The following MBD5 variants were observed in gnomAD, a reference collection of about 807,000 sequenced individuals.
The protein encoded by MBD5 is methyl-CpG binding domain protein 5, also known as methyl-CpG-binding domain protein 5.
In MBD5, 13 loss-of-function variants were observed where a neutral mutation model predicts 117.3. The ratio of observed to expected loss-of-function variants is 0.11; its 90% CI spans 0.07 to 0.18. The LOEUF (loss-of-function observed/expected upper bound fraction) is 0.18, where lower values mean the gene tolerates loss of function less well. MBD5 is among the 10% of genes least tolerant of loss of function. The pLI is 1.00. For synonymous variants in MBD5, 727 were observed against 766.4 expected (o/e 0.95, Z 0.85); for missense variants, 1,879 against 2,093.8 (o/e 0.90, Z 2.00).
intron 1 of MBD5, among the ~76,000 whole-genome samples, chr2:148,061,502 T>C (rs2105828118): frequency 6.6e-6 from 1 of 152,200 alleles, no homozygotes; most frequent in East Asian, 1.9e-4. Flanking sequence ...TACCATATCA[T>C]AAATATGTTT....
intron 4 of MBD5, among the ~76,000 whole-genome samples, chr2:148,343,933 TAGTTTG>T (rs1197697439): frequency 3.9e-5 from 6 of 152,122 alleles, no homozygotes; most frequent in African/African-American, 1.2e-4. Context: ...ACCATTCTTA[TAGTTTG>T]AGTTCTTACA....
In MBD5 at chr2:148,489,571, A is replaced by G; in HGVS notation, c.3939A>G (p.Pro1313=). The change falls in exon 11 of 14, where the codon CCA becomes CCG. Residue 1313 remains proline (P), a synonymous_variant. Transcript: ENST00000642680. ...QVKDGLVVGG[P]GDASVDAIYK... ...AGGATGGCCTCGTTGTGGGTGGCCC[A>G]GGTGATGCTTCCGTAGATGCCATTT... is the stretch of plus-strand genomic sequence containing the variant. 2 of 1,614,196 alleles carry G rather than the reference A, an allele frequency of 1.2e-6. No individual in the cohort carries two copies. Among genetic ancestry groups the G allele is most frequent in the Non-Finnish European group, 1.7e-6 (2 of 1,180,046 alleles).
intron 4 of MBD5, among the ~76,000 whole-genome samples, chr2:148,437,847 C>T (rs991758921): frequency 1.3e-5 from 2 of 152,116 alleles, no homozygotes; most frequent in Non-Finnish European, 2.9e-5. Context: ...AATACCATGA[C>T]AGACAACCTA....
intron 3 of MBD5, among the ~76,000 whole-genome samples, chr2:148,326,445 C>T (rs1320828347): frequency 6.6e-6 from 1 of 152,090 alleles, no homozygotes; most frequent in East Asian, 1.9e-4. Flanking sequence ...GTGTTAAAAT[C>T]TCCCATTATT....
chr2:148,137,297 T>G (rs1041031622), intron 1 of MBD5, among the ~76,000 whole-genome samples: 2 of 152,188 alleles, frequency 1.3e-5, no homozygotes, highest in African/African-American at 4.8e-5. Context: ...TGATGACTGG[T>G]TCAAAATCTG....
At chr2:148,163,196 C>A (rs1698050540) in intron 1 of MBD5, among the ~76,000 whole-genome samples, 1 of 152,064 alleles carries the variant, frequency 6.6e-6, no homozygotes, top group Non-Finnish European at 1.5e-5. Context: ...AAAAAATGTT[C>A]TTTTATAATT....
chr2:148,230,366 A>G (rs1428748085), intron 2 of MBD5, among the ~76,000 whole-genome samples: 2 of 152,092 alleles, frequency 1.3e-5, no homozygotes, highest in African/African-American at 2.4e-5. Context: ...TGTACCACTG[A>G]TGTTCCCTTA....
At chr2:148,279,665 C>T (rs1053131002) in intron 3 of MBD5, among the ~76,000 whole-genome samples, 1 of 152,198 alleles carries the variant, frequency 6.6e-6, no homozygotes, top group Non-Finnish European at 1.5e-5. Context: ...TCATTTAGCT[C>T]TAGATGTATC....
chr2:148,485,761 C>T lies in MBD5; in HGVS notation c.3564C>T (p.Asn1188=). ...CTGTAGGTGATATGTCATCAATAAA[C>T]AATACTTTGAGTAACCATCAACTGA... is the stretch of plus-strand genomic sequence containing the variant. ...TGLLGDMSSI[N]NTLSNHQLTH... The change falls in exon 10 of 14, where the codon AAC becomes AAT. Residue 1188 remains asparagine, a synonymous_variant. Coordinates refer to ENST00000642680, the MANE Select transcript of MBD5 (RefSeq NM_001378120.1). The T allele has an allele frequency of 6.2e-7, 1 of 1,612,766 alleles. No individual in the cohort carries two copies. Among genetic ancestry groups the T allele is most frequent in the Non-Finnish European group, 8.5e-7 (1 of 1,178,996 alleles).
chr2:148,461,149 T>C (rs1488979475), intron 5 of MBD5, among the ~76,000 whole-genome samples: 3 of 152,090 alleles, frequency 2.0e-5, no homozygotes, highest in Admixed American at 6.6e-5. Flanking sequence ...GCCAGGCTGG[T>C]CTCAAATTCC....
intron 4 of MBD5, among the ~76,000 whole-genome samples, chr2:148,398,793 A>G (rs1445003601): frequency 1.3e-5 from 2 of 152,224 alleles, no homozygotes; most frequent in African/African-American, 4.8e-5. Context: ...TAGGTCTAAC[A>G]TGTAAGTCTT....
At chr2:148,397,433 C>T (rs1245334194) in intron 4 of MBD5, among the ~76,000 whole-genome samples, 1 of 150,566 alleles carries the variant, frequency 6.6e-6, no homozygotes, top group Non-Finnish European at 1.5e-5. Context: ...AGGTTCACAC[C>T]ATTCTCCTGC....
At chr2:148,340,736 T>C (rs960374392) in intron 3 of MBD5, among the ~76,000 whole-genome samples, 4 of 151,960 alleles carry the variant, frequency 2.6e-5, no homozygotes, top group African/African-American at 9.7e-5. Context: ...GAGGATTATT[T>C]GAGATGTTAA....
At chr2:148,037,032 T>G (rs1428970788) in intron 1 of MBD5, among the ~76,000 whole-genome samples, 1 of 151,950 alleles carries the variant, frequency 6.6e-6, no homozygotes, top group African/African-American at 2.4e-5. Context: ...AATTTCAAAT[T>G]TATAATTTAT....
At chr2:148,324,554 C>T (rs1351656467) in intron 3 of MBD5, among the ~76,000 whole-genome samples, 1 of 152,006 alleles carries the variant, frequency 6.6e-6, no homozygotes, top group African/African-American at 2.4e-5. Flanking sequence ...CTTCACATCC[C>T]TTGTAAGTTG....
At position 148,269,311 on chromosome 2, in the gene MBD5, T is replaced by G. The variant is rs538368727; in HGVS notation, c.-680+35916T>G. 2.0e-5 allele frequency among the ~76,000 whole-genome samples: 3 copies of G among 151,976 alleles called. No individual in the cohort carries two copies. In the South Asian group the frequency reaches 6.2e-4, roughly 31 times the overall value. On this transcript the variant is annotated intron_variant, in intron 3 of 13. Transcript: ENST00000642680. ...AATGCTTGGTTTATATATTTTAATTTTTTTTAATAAGTAGGTTTAATGCTC... is the reference window on the plus strand; with the variant it reads ...AATGCTTGGTTTATATATTTTAATTGTTTTTAATAAGTAGGTTTAATGCTC...
chr2:148,362,711 G>A (rs1003073325), intron 4 of MBD5, among the ~76,000 whole-genome samples: 5 of 152,194 alleles, frequency 3.3e-5, no homozygotes, highest in African/African-American at 1.2e-4. Flanking sequence ...CCCAGCAGGG[G>A]TCGACAGACA....
At chr2:148,129,232 T>C (rs1356195308) in intron 1 of MBD5, among the ~76,000 whole-genome samples, 1 of 152,102 alleles carries the variant, frequency 6.6e-6, no homozygotes, top group Non-Finnish European at 1.5e-5. Flanking sequence ...CTGTGGCTCA[T>C]GTCTGTAATC....
At chr2:148,249,958 C>T (rs924830031) in intron 3 of MBD5, among the ~76,000 whole-genome samples, 2 of 151,772 alleles carry the variant, frequency 1.3e-5, no homozygotes, top group Admixed American at 1.3e-4. Flanking sequence ...TAAATAGCGC[C>T]GCAGTTGGAA....
Sources: allele counts gnomAD v4.1 joint callset (sites outside exome capture counted in the v4.1 genomes callset), GRCh38; gene constraint gnomAD v4.1.1; transcripts MANE v1.5; gene names NCBI Gene and HGNC (gene_info 2026-07-23, HGNC 2026-07-21).